SAMD12: variants seen among roughly 807,000 people sequenced by gnomAD.
SAMD12 encodes sterile alpha motif domain-containing protein 12.
SAMD12 carries 9 observed loss-of-function variants against 15.0 expected under a neutral mutation model. That is an observed-to-expected ratio of 0.60 (90% CI 0.36 to 1.05). The LOEUF is 1.05. Ranked by LOEUF, SAMD12 falls within the 50% of genes least tolerant of loss-of-function variation. The pLI is 0.01. For synonymous variants in SAMD12, 86 were observed against 90.1 expected (o/e 0.96, Z 0.25); for missense variants, 230 against 234.2 (o/e 0.98, Z 0.12).
intron 4 of SAMD12, among the ~76,000 whole-genome samples, chr8:118,201,521 G>A (rs930904511): frequency 6.6e-6 from 1 of 152,136 alleles, no homozygotes; most frequent in Non-Finnish European, 1.5e-5. Flanking sequence ...TTTTTTGTGG[G>A]TGATGCCATG....
intron 4 of SAMD12, among the ~76,000 whole-genome samples, chr8:118,342,293 C>CA (rs10677253): frequency 0.019 from 2,696 of 143,152 alleles, 86 homozygotes; most frequent in African/African-American, 0.059. Context: ...GACTTTGTCT[C>CA]AAAAAAAAAA....
chr8:118,202,088 A>C (rs935894697), intron 4 of SAMD12, among the ~76,000 whole-genome samples: 11 of 152,224 alleles, frequency 7.2e-5, no homozygotes, highest in African/African-American at 2.7e-4. Flanking sequence ...CCTTTAAAAT[A>C]GCAGTCATAA....
intron 1 of SAMD12, among the ~76,000 whole-genome samples, chr8:118,594,458 G>A (rs542014186): frequency 3.9e-5 from 6 of 152,208 alleles, no homozygotes; most frequent in South Asian, 4.1e-4. Flanking sequence ...TGAAAACTAC[G>A]AAAGCTAAAG....
intron 2 of SAMD12, among the ~76,000 whole-genome samples, chr8:118,447,721 T>TATTTATTTATTG (rs1822959528): frequency 6.7e-6 from 1 of 149,346 alleles, no homozygotes; most frequent in African/African-American, 2.5e-5. Context: ...TTTATTTATT[T>TATTTATTTATTG]ATTTATTTAT....
At chr8:118,544,195 T>C (rs1826062995) in intron 2 of SAMD12, among the ~76,000 whole-genome samples, 1 of 152,220 alleles carries the variant, frequency 6.6e-6, no homozygotes, top group Non-Finnish European at 1.5e-5. Flanking sequence ...GTTCTAAGTA[T>C]GTGGTGGCAC....
chr8:118,431,521 C>A (rs1019825807), intron 3 of SAMD12, among the ~76,000 whole-genome samples: 7 of 151,908 alleles, frequency 4.6e-5, no homozygotes, highest in Admixed American at 4.6e-4. Context: ...TAGAATTGGT[C>A]ATTTTTTTTT....
At chr8:118,500,067 C>CTGTT (rs1554675240) in intron 2 of SAMD12, among the ~76,000 whole-genome samples, 8 of 72,572 alleles carry the variant, frequency 1.1e-4, no homozygotes, top group Non-Finnish European at 9.5e-5. Context: ...TGAGTTTTGC[C>CTGTT]TTTTTTTTTT....
At chr8:118,548,027 A>C (rs1471031777) in intron 2 of SAMD12, among the ~76,000 whole-genome samples, 1 of 152,172 alleles carries the variant, frequency 6.6e-6, no homozygotes, top group Non-Finnish European at 1.5e-5. Context: ...CCAACTCTTC[A>C]TAAACAGAGA....
chr8:118,397,841 G>A (rs1820661410), intron 3 of SAMD12, among the ~76,000 whole-genome samples: 1 of 152,058 alleles, frequency 6.6e-6, no homozygotes. Flanking sequence ...CACCCAGGTT[G>A]GAGTGCAGTG....
At position 118,379,234 on chromosome 8, in the gene SAMD12, T is replaced by C; in HGVS notation, c.*183A>G. The C allele has an allele frequency of 7.0e-7, 1 of 1,420,906 alleles. No homozygotes were observed. The highest frequency in any genetic ancestry group is 9.2e-7 in the Non-Finnish European group (1 of 1,090,726). 88.0% of individuals were successfully genotyped at this position (1,420,906 alleles called of 1,614,324 possible). On this transcript the variant is annotated 3_prime_UTR_variant, in exon 4 of 4. Transcript: ENST00000314727. ...CAGGCTGCACATTATACAACTCTAG[T>C]GAGTGCAATCGTACCCTGATTGATG... is the stretch of plus-strand genomic sequence containing the variant.
At chr8:118,613,435 A>G (rs928138073) in intron 1 of SAMD12, among the ~76,000 whole-genome samples, 4 of 152,304 alleles carry the variant, frequency 2.6e-5, no homozygotes, top group Admixed American at 6.5e-5. Flanking sequence ...TCCATTTTTT[A>G]TTTGTTATAT....
intron 2 of SAMD12, among the ~76,000 whole-genome samples, chr8:118,484,417 A>G (rs1824220674): frequency 6.6e-6 from 1 of 152,138 alleles, no homozygotes; most frequent in African/African-American, 2.4e-5. Flanking sequence ...AAGAGGGCAT[A>G]TTTTATGTTA....
At chr8:118,518,325 A>G (rs1825298704) in intron 2 of SAMD12, among the ~76,000 whole-genome samples, 2 of 152,226 alleles carry the variant, frequency 1.3e-5, no homozygotes, top group Non-Finnish European at 2.9e-5. Flanking sequence ...TAAGACAGAA[A>G]AAGCATTATC....
intron 1 of SAMD12, among the ~76,000 whole-genome samples, chr8:118,611,673 A>T (rs1325851217): frequency 6.6e-6 from 1 of 152,204 alleles, no homozygotes; most frequent in Admixed American, 6.5e-5. Flanking sequence ...AAACACAAAA[A>T]CAAAACCCTC....
intron 2 of SAMD12, among the ~76,000 whole-genome samples, chr8:118,559,214 T>C (rs929650413): frequency 3.9e-5 from 6 of 152,058 alleles, no homozygotes; most frequent in Non-Finnish European, 5.9e-5. Context: ...GACCCTTTTT[T>C]CCCCCCTACC....
At chr8:118,178,079 T>TCA in the SAMD12 span, among the ~76,000 whole-genome samples, 1 of 152,240 alleles carries the variant, frequency 6.6e-6, no homozygotes, top group African/African-American at 2.4e-5. Flanking sequence ...CCAGGTATAT[T>TCA]TGGGTAATTC....
At chr8:118,415,528 T>C (rs532467556) in intron 3 of SAMD12, among the ~76,000 whole-genome samples, 1 of 149,874 alleles carries the variant, frequency 6.7e-6, no homozygotes, top group African/African-American at 2.4e-5. Context: ...ATTCTAAAAA[T>C]GACATGAAGG....
intron 2 of SAMD12, among the ~76,000 whole-genome samples, chr8:118,573,091 C>A (rs1232530078): frequency 1.3e-5 from 2 of 152,108 alleles, no homozygotes; most frequent in Non-Finnish European, 2.9e-5. Flanking sequence ...AGCCTCTTTT[C>A]TTTTCTTTTT....
At chr8:118,301,567 ACAAT>A (rs1815026917) in intron 4 of SAMD12, among the ~76,000 whole-genome samples, 1 of 152,244 alleles carries the variant, frequency 6.6e-6, no homozygotes, top group African/African-American at 2.4e-5. Flanking sequence ...GTCTCTTAAA[ACAAT>A]CAAGTTGTAC....
Sources: allele counts gnomAD v4.1 joint callset (sites outside exome capture counted in the v4.1 genomes callset), GRCh38; gene constraint gnomAD v4.1.1; transcripts MANE v1.5; gene names NCBI Gene and HGNC (gene_info 2026-07-23, HGNC 2026-07-21).